OPA1: variants seen among roughly 807,000 people sequenced by gnomAD.
OPA1 encodes the protein OPA1 mitochondrial dynamin like GTPase, also known as dynamin-like GTPase OPA1, mitochondrial.
In OPA1, 59 loss-of-function variants were observed where a neutral mutation model predicts 152.9. The observed-to-expected ratio is 0.39, with a 90% CI of 0.31 to 0.48. The LOEUF is 0.48. Ranked by LOEUF, OPA1 falls within the 20% of genes least tolerant of loss-of-function variation. The probability of loss-of-function intolerance (pLI) is 0.96; values close to 1 mark genes in which losing one functional copy is unlikely to be tolerated. For missense variants in OPA1, 1,008 were observed against 1,216.8 expected (o/e 0.83, Z 2.55); for synonymous variants, 400 against 389.9 (o/e 1.03, Z -0.31).
intron 1 of OPA1, among the ~76,000 whole-genome samples, chr3:193,608,320 A>G (rs1449754482): frequency 6.6e-6 from 1 of 151,806 alleles, no homozygotes; most frequent in South Asian, 2.1e-4. Flanking sequence ...GATCTTTCCT[A>G]CTTTCTCTTG....
At chr3:193,624,928 T>G (rs1459030850) in intron 6 of OPA1, among the ~76,000 whole-genome samples, 8 of 152,210 alleles carry the variant, frequency 5.3e-5, no homozygotes. Context: ...TTAGAATATC[T>G]TAATAAATAC....
chr3:193,692,181 A>G lies in OPA1; in HGVS notation c.*5+49A>G, dbSNP rs1721783549. The G allele has an allele frequency of 3.1e-6, 3 of 971,710 alleles. No individual in the cohort carries two copies. The South Asian group carries it at 4.2e-5, about 14-fold the overall frequency. 60.2% of individuals were successfully genotyped at this position (971,710 alleles called of 1,614,324 possible). A position where few individuals can be genotyped will look rare whatever the true frequency, so the allele number is the denominator to read the frequency against. ...ATTGGTGCTGACTAAATACAAAATT[A>G]CACTTTTCTTAATAGTTTATCATTC... On this transcript the variant is annotated intron_variant, in intron 30 of 30. Transcript: ENST00000361510.
At chr3:193,627,072 T>C (rs968293450) in intron 7 of OPA1, among the ~76,000 whole-genome samples, 3 of 152,198 alleles carry the variant, frequency 2.0e-5, no homozygotes, top group Non-Finnish European at 4.4e-5. Flanking sequence ...GTTTTGAAGT[T>C]ATATACAAAT....
At chr3:193,601,072 G>A (rs979407403) in intron 1 of OPA1, among the ~76,000 whole-genome samples, 39 of 152,298 alleles carry the variant, frequency 2.6e-4, no homozygotes, top group African/African-American at 8.9e-4. Context: ...CGTTGAATAT[G>A]TATGTTGTCA....
At chr3:193,594,801 A>G (rs1725251732) in intron 1 of OPA1, among the ~76,000 whole-genome samples, 1 of 152,210 alleles carries the variant, frequency 6.6e-6, no homozygotes, top group South Asian at 2.1e-4. Context: ...AATCTCATGG[A>G]ATTTTAGTCT....
In OPA1 at chr3:193,602,116, C is replaced by T. The variant is rs539794608; in HGVS notation, c.32+8707C>T. 1.5e-3 allele frequency among the ~76,000 whole-genome samples: 227 copies of T among 152,316 alleles called. 2 individuals are homozygous for T. Among genetic ancestry groups the T allele is most frequent in the African/African-American group, 3.3e-3 (137 of 41,572 alleles). ...TGGTAGAGAAGTCTTGATCTGTGAT[C>T]TAGGGAAAGCTGTCTGTAACCAGGA... On this transcript the variant is annotated intron_variant, in intron 1 of 30. Coordinates refer to ENST00000361510, the MANE Select transcript of OPA1 (RefSeq NM_130837.3).
intron 29 of OPA1, among the ~76,000 whole-genome samples, chr3:193,683,748 A>G (rs1489117290): frequency 6.6e-6 from 1 of 152,204 alleles, no homozygotes; most frequent in Non-Finnish European, 1.5e-5. Flanking sequence ...GCAATAAAGT[A>G]CTTTTAAATA....
intron 3 of OPA1, among the ~76,000 whole-genome samples, chr3:193,616,325 AT>A (rs1560330471): frequency 6.6e-6 from 1 of 151,786 alleles, no homozygotes; most frequent in African/African-American, 2.4e-5. Flanking sequence ...TTTTCTTTTA[AT>A]TTTTTTCTTT....
chr3:193,679,756 G>T (rs1298594811), intron 29 of OPA1, among the ~76,000 whole-genome samples: 1 of 151,978 alleles, frequency 6.6e-6, no homozygotes, highest in Non-Finnish European at 1.5e-5. Context: ...TCCTAAAGAG[G>T]TACATAATGT....
At chr3:193,624,459 T>A (rs1235066986) in intron 6 of OPA1, among the ~76,000 whole-genome samples, 4 of 152,178 alleles carry the variant, frequency 2.6e-5, no homozygotes, top group Non-Finnish European at 4.4e-5. Context: ...ATAATTTGAA[T>A]AAAGGATTGT....
intron 29 of OPA1, among the ~76,000 whole-genome samples, chr3:193,671,333 G>A (rs1438109228): frequency 6.6e-6 from 1 of 152,186 alleles, no homozygotes; most frequent in East Asian, 1.9e-4. Context: ...CTTAAATTCA[G>A]TCATAACAAT....
Position 193,658,970 on chromosome 3 carries a change from G to T in OPA1, c.2415G>T (p.Glu805Asp), listed in dbSNP as rs1274466249. Residue 805 changes from glutamate (E) to aspartate (D), a missense_variant, in exon 24 of 31, where the codon GAG (glutamate) becomes GAT (aspartate). Glu to Asp is a conservative substitution (Grantham distance 45, BLOSUM62 2). Transcript: ENST00000361510. Reference sequence around the variant, plus strand: ...ATGCAGCTATTTATTTTATGGAAGAGGCTCTGCAGGCTCGTCTCAAGGATA... The same window carrying T: ...ATGCAGCTATTTATTTTATGGAAGATGCTCTGCAGGCTCGTCTCAAGGATA... ...QWDAAIYFMEEALQARLKDTE... is the reference protein window; with the variant it reads ...QWDAAIYFMEDALQARLKDTE... 1.9e-6 allele frequency: 3 copies of T among 1,613,278 alleles called. No individual in the cohort carries two copies. The highest frequency in any genetic ancestry group is 1.1e-5 in the South Asian group (1 of 91,066).
At chr3:193,690,316 C>T (rs1424919778) in intron 29 of OPA1, among the ~76,000 whole-genome samples, 3 of 107,664 alleles carry the variant, frequency 2.8e-5, no homozygotes, top group East Asian at 3.3e-4. Context: ...CCCCCCACCC[C>T]ACCCCACACA....
intron 13 of OPA1, 113 bp from the exon 14 acceptor site, chr3:193,643,260 T>C (rs1734051940): frequency 1.1e-6 from 1 of 918,134 alleles, no homozygotes; most frequent in Non-Finnish European, 1.8e-6. Context: ...TTTGTGAGCG[T>C]CTTATCTGAA....
chr3:193,628,294 A>G (rs1175607114), intron 7 of OPA1, among the ~76,000 whole-genome samples: 1 of 152,066 alleles, frequency 6.6e-6, no homozygotes, highest in Non-Finnish European at 1.5e-5. Flanking sequence ...CTTCTCAGCA[A>G]AAGAACTCAA....
At chr3:193,694,102 T>C (rs1387789398) in intron 30 of OPA1, among the ~76,000 whole-genome samples, 1 of 152,242 alleles carries the variant, frequency 6.6e-6, no homozygotes, top group South Asian at 2.1e-4. Flanking sequence ...GCTACCTGTC[T>C]AGTCTCTAAG....
intron 29 of OPA1, among the ~76,000 whole-genome samples, chr3:193,681,967 AAG>A (rs1176270897): frequency 6.6e-6 from 1 of 152,224 alleles, no homozygotes; most frequent in Non-Finnish European, 1.5e-5. Context: ...AAGTGAAAGA[AAG>A]AGTGCCATAT....
At chr3:193,642,874 G>T in intron 12 of OPA1, 29 bp downstream of exon 12, 1 of 1,570,048 alleles carries the variant, frequency 6.4e-7, no homozygotes, top group Non-Finnish European at 8.8e-7. Context: ...AGGTTGATAT[G>T]TGTAATTTTA....
At position 193,617,287 on chromosome 3, in the gene OPA1, T is replaced by G. The variant is rs762390227; in HGVS notation, c.556+2T>G. 1.3e-6 allele frequency: 2 copies of G among 1,557,178 alleles called. No homozygotes were observed. Among genetic ancestry groups the G allele is most frequent in the East Asian group, 4.5e-5 (2 of 44,546 alleles). On this transcript the variant is annotated splice_donor_variant, in intron 4 of 30. Transcript: ENST00000361510. LOFTEE classifies it high-confidence loss of function. ...TATTGAAGGACTTTTTTACCTCAGG[T>G]AAGGAAGAAGCTGTTTGATCTAATT...
Sources: gnomAD v4.1 joint callset for allele counts (sites outside exome capture counted in the v4.1 genomes callset) on GRCh38, gnomAD v4.1.1 for gene constraint, MANE v1.5 for transcripts, NCBI Gene and HGNC (gene_info 2026-07-23, HGNC 2026-07-21) for gene names.